ARMC2: variants seen among roughly 807,000 people sequenced by gnomAD.
ARMC2 encodes the protein armadillo repeat containing 2.
In ARMC2, 67 loss-of-function variants were observed where a neutral mutation model predicts 90.3. The ratio of observed to expected loss-of-function variants is 0.74; its 90% CI spans 0.61 to 0.91. The LOEUF is 0.91. Ranked by LOEUF, ARMC2 falls within the 40% of genes least tolerant of loss-of-function variation. The pLI, the probability that ARMC2 is intolerant of heterozygous loss-of-function variation, is 0.00. For synonymous variants in ARMC2, 393 were observed against 393.0 expected, an observed-to-expected ratio of 1.00 and a Z score of 0.00; for missense variants, 920 against 1,030.9, an observed-to-expected ratio of 0.89 and a Z score of 1.47.
downstream of ARMC2, among the ~76,000 whole-genome samples, chr6:108,975,911 A>G (rs979821914): frequency 2.0e-5 from 3 of 152,164 alleles, no homozygotes; most frequent in Admixed American, 1.3e-4. Context: ...GCCCTTTGTC[A>G]GATGGATAGA....
At chr6:108,941,607 G>GA (rs1776447250) in intron 12 of ARMC2, among the ~76,000 whole-genome samples, 2 of 152,128 alleles carry the variant, frequency 1.3e-5, no homozygotes, top group East Asian at 3.9e-4. Context: ...GTTTCAATCT[G>GA]GTAGACAGGA....
At chr6:108,964,638 G>A (rs187639658) in intron 16 of ARMC2, among the ~76,000 whole-genome samples, 38 of 152,276 alleles carry the variant, frequency 2.5e-4, no homozygotes, top group African/African-American at 8.2e-4. Flanking sequence ...GCCAGGCGTT[G>A]TGGCACACGC....
At chr6:108,999,462 A>C in the ARMC2 span, among the ~76,000 whole-genome samples, 2 of 152,172 alleles carry the variant, frequency 1.3e-5, no homozygotes, top group Non-Finnish European at 2.9e-5. Context: ...AGTGCATGGT[A>C]GACAATTTTA....
In ARMC2 at chr6:108,928,494, G is replaced by T. The variant is rs139026411; in HGVS notation, c.1496+261G>T. ...TTCTTTGGTGAGTTGTGAGCTACGTGTGTGTGTTTAATCTTCCTCTCAGCT... is the reference window on the plus strand; with the variant it reads ...TTCTTTGGTGAGTTGTGAGCTACGTTTGTGTGTTTAATCTTCCTCTCAGCT... On this transcript the variant is annotated intron_variant, in intron 11 of 17. Coordinates refer to ENST00000392644, the MANE Select transcript of ARMC2 (RefSeq NM_032131.6). Among the ~76,000 whole-genome samples, 8 of 152,244 alleles carry T rather than the reference G, an allele frequency of 5.3e-5. No individual in the cohort carries two copies. The East Asian group carries it at 1.3e-3, about 26-fold the overall frequency.
the ARMC2 span, among the ~76,000 whole-genome samples, chr6:109,028,587 G>T: frequency 2.0e-5 from 3 of 151,776 alleles, no homozygotes; most frequent in Non-Finnish European, 4.4e-5. Context: ...CAATACTAGG[G>T]GGTAAGACAG....
At chr6:109,004,764 T>A in the ARMC2 span, among the ~76,000 whole-genome samples, 1 of 144,952 alleles carries the variant, frequency 6.9e-6, no homozygotes, top group Non-Finnish European at 1.5e-5. Context: ...AACAACACAG[T>A]TCAAGGAAAA....
At chr6:108,888,059 C>G (rs1304590302) in intron 5 of ARMC2, among the ~76,000 whole-genome samples, 1 of 152,212 alleles carries the variant, frequency 6.6e-6, no homozygotes, top group Non-Finnish European at 1.5e-5. Context: ...CGTAGAACAT[C>G]TCCTCTCTGT....
intron 6 of ARMC2, among the ~76,000 whole-genome samples, chr6:108,895,407 C>A (rs1183713526): frequency 6.7e-6 from 1 of 149,902 alleles, no homozygotes; most frequent in Non-Finnish European, 1.5e-5. Flanking sequence ...TCACTTGAAC[C>A]CAGGAGATGG....
the ARMC2 span, chr6:108,990,676 A>C: frequency 1.2e-6 from 2 of 1,614,132 alleles, no homozygotes; most frequent in Non-Finnish European, 1.7e-6. Context: ...ATATAGTTCC[A>C]AATTGCCCGT....
intron 17 of ARMC2, among the ~76,000 whole-genome samples, chr6:108,970,863 C>T (rs935102339): frequency 2.0e-5 from 3 of 152,150 alleles, no homozygotes; most frequent in African/African-American, 7.2e-5. Context: ...CAGCAGAATT[C>T]ACTTTTCAAC....
At chr6:108,999,419 A>G in the ARMC2 span, among the ~76,000 whole-genome samples, 1 of 152,192 alleles carries the variant, frequency 6.6e-6, no homozygotes, top group Admixed American at 6.5e-5. Flanking sequence ...TATGAAATAG[A>G]TAAGACCAAA....
chr6:108,910,373 T>C (rs9386760), intron 8 of ARMC2, among the ~76,000 whole-genome samples: 7,402 of 152,224 alleles, frequency 0.049, 297 homozygotes, highest in East Asian at 0.2. Flanking sequence ...AGAGAGTTGA[T>C]TGAGCGCACG....
intron 11 of ARMC2, among the ~76,000 whole-genome samples, chr6:108,935,867 A>T (rs9400255): frequency 0.031 from 4,793 of 152,218 alleles, 206 homozygotes; most frequent in East Asian, 0.2. Context: ...AGGTTTTTTT[A>T]AATTTATTTT....
intron 2 of ARMC2, among the ~76,000 whole-genome samples, chr6:108,855,018 C>T (rs763247966): frequency 2.0e-5 from 3 of 152,150 alleles, no homozygotes; most frequent in Non-Finnish European, 4.4e-5. Context: ...GCTTCTTTGA[C>T]TTAGTAATAT....
chr6:108,948,370 T>C (rs1017280475), intron 12 of ARMC2, among the ~76,000 whole-genome samples: 7 of 152,044 alleles, frequency 4.6e-5, no homozygotes, highest in Non-Finnish European at 8.8e-5. Flanking sequence ...TCCTGTGAGA[T>C]GGCTTCTATT....
chr6:108,958,350 G>A (rs1282643954), intron 13 of ARMC2, among the ~76,000 whole-genome samples: 1 of 152,120 alleles, frequency 6.6e-6, no homozygotes, highest in Non-Finnish European at 1.5e-5. Context: ...AATTATTGTG[G>A]GTGTGAATTC....
At chr6:109,002,934 G>GT in the ARMC2 span, among the ~76,000 whole-genome samples, 62 of 151,650 alleles carry the variant, frequency 4.1e-4, no homozygotes, top group African/African-American at 8.0e-4. Context: ...CTTAAATTAA[G>GT]TTTTTTTTTA....
At chr6:108,887,390 C>T (rs936693028) in intron 5 of ARMC2, among the ~76,000 whole-genome samples, 19 of 152,140 alleles carry the variant, frequency 1.2e-4, no homozygotes, top group African/African-American at 4.6e-4. Context: ...ATGTAGGACC[C>T]TCCTCACTGA....
chr6:108,873,405 C>T (rs538004062), intron 4 of ARMC2, among the ~76,000 whole-genome samples: 5 of 152,238 alleles, frequency 3.3e-5, no homozygotes, highest in Non-Finnish European at 5.9e-5. Context: ...GATCCAGCCC[C>T]AGCGTAACAT....
Sources: allele counts gnomAD v4.1 joint callset (sites outside exome capture counted in the v4.1 genomes callset), GRCh38; gene constraint gnomAD v4.1.1; transcripts MANE v1.5; gene names NCBI Gene and HGNC (gene_info 2026-07-23, HGNC 2026-07-21).